BTN3A1: variants seen among roughly 807,000 people sequenced by gnomAD.
BTN3A1 encodes butyrophilin subfamily 3 member A1, also known as dJ45P21.3 (butyrophilin, subfamily 3, member A1).
Under a neutral mutation model 43.0 loss-of-function variants are expected in BTN3A1, and 24 were observed. The observed-to-expected ratio is 0.56, with a 90% CI of 0.40 to 0.78. The LOEUF (loss-of-function observed/expected upper bound fraction) is 0.78, where lower values mean the gene tolerates loss of function less well. Ranked by LOEUF, BTN3A1 falls within the 30% of genes least tolerant of loss-of-function variation. The probability of loss-of-function intolerance (pLI) is 0.00; values close to 1 mark genes in which losing one functional copy is unlikely to be tolerated. For missense variants in BTN3A1, 533 were observed against 626.2 expected (o/e 0.85, Z 1.59); for synonymous variants, 181 against 234.7 (o/e 0.77, Z 2.09).
Position 26,411,594 on chromosome 6 carries a change from CTG to C in BTN3A1, c.1018+19_1018+20del. The C allele has an allele frequency of 1.2e-6, 2 of 1,612,792 alleles. No homozygotes were observed. Among genetic ancestry groups the C allele is most frequent in the Non-Finnish European group, 8.5e-7 (1 of 1,179,196 alleles). On this transcript the variant is annotated intron_variant, in intron 9 of 9. Transcript: ENST00000289361. ...CTCTTCAAGCCTGGTGAGTAAATCA[CTG>C]TGTGTTCCCTGGACCAACAACCTGA...
rs746846979 is a variant in BTN3A1, at chr6:26,405,609, G to A, written c.46G>A (p.Val16Ile). 1.9e-6 allele frequency: 3 copies of A among 1,614,134 alleles called. No individual in the cohort carries two copies. Among genetic ancestry groups the A allele is most frequent in the Non-Finnish European group, 2.5e-6 (3 of 1,180,036 alleles). Residue 16 changes from valine to isoleucine, a missense_variant, in exon 2 of 10, where the codon GTC becomes ATC. Val to Ile is a conservative substitution (Grantham distance 29, BLOSUM62 3). Transcript: ENST00000289361. ...FLAFLLLNFR[V>I]CLLLLQLLMP... ...GGCCTTCCTTCTGCTCAACTTTCGTGTCTGCCTCCTTTTGCTTCAGCTGCT... is the reference window on the plus strand; with the variant it reads ...GGCCTTCCTTCTGCTCAACTTTCGTATCTGCCTCCTTTTGCTTCAGCTGCT...
intron 7 of BTN3A1, among the ~76,000 whole-genome samples, chr6:26,410,805 G>T (rs998147585): frequency 6.7e-6 from 1 of 149,162 alleles, no homozygotes; most frequent in Admixed American, 6.7e-5. Flanking sequence ...ATATATATGT[G>T]CATATAGACA....
At position 26,410,027 on chromosome 6, in the gene BTN3A1, C is replaced by G; in HGVS notation, c.959C>G (p.Ala320Gly). ...EELRWRSIQY[A>G]SRGERHSAYN... ...GCAGGATGGAGAAGTATCCAGTATG[C>G]ATCTCGTAAGTGCCTCTGACATTTT... is the stretch of plus-strand genomic sequence containing the variant. The change falls in exon 7 of 10, where the codon GCA (alanine) becomes GGA (glycine). Residue 320 changes from alanine (A) to glycine (G), a missense_variant. By Grantham distance (60) the Ala-to-Gly change is moderately conservative. Around this residue, in one of 4 missense-constraint regions of BTN3A1, gnomAD observed 415 missense variants for 427.0 expected, o/e 0.97. Transcript: ENST00000289361. 1 of 1,614,080 alleles carries G rather than the reference C, an allele frequency of 6.2e-7. No homozygotes were observed. Among genetic ancestry groups the G allele is most frequent in the East Asian group, 2.2e-5 (1 of 44,878 alleles).
At chr6:26,412,265 C>T (rs1762245935) in intron 9 of BTN3A1, 1 of 579,230 alleles carries the variant, frequency 1.7e-6, no homozygotes, top group Admixed American at 3.3e-5. Flanking sequence ...GTTACTGGAA[C>T]CCAGAATAAG....
At chr6:26,411,180 T>C (rs1443161992) in intron 8 of BTN3A1, 45 bp downstream of exon 8, 8 of 1,593,888 alleles carry the variant, frequency 5.0e-6, no homozygotes, top group Non-Finnish European at 2.6e-6. Context: ...ACACGTGCCA[T>C]GAACATTTCA....
At chr6:26,403,215 G>A (rs967858918) in intron 1 of BTN3A1, among the ~76,000 whole-genome samples, 9 of 152,062 alleles carry the variant, frequency 5.9e-5, no homozygotes, top group Non-Finnish European at 1.2e-4. Context: ...ACAGGTGCAC[G>A]CCACCACACC....
rs1276339158 is a variant in BTN3A1 at position 26,413,505 on chromosome 6, A to G, written c.1355A>G (p.Lys452Arg). The change falls in exon 10 of 10, where the codon AAA becomes AGA. Residue 452 changes from lysine to arginine, a missense_variant. By Grantham distance (26) the Lys-to-Arg change is conservative (BLOSUM62 2). This residue lies in a region of BTN3A1 where 415 missense variants were observed against 427.0 expected (regional missense o/e 0.97). Transcript: ENST00000289361. ...CTAACTGAGCCCAGAACCAACCTGA[A>G]ACTTCCTAAGCCCCCTAAGAAAGTG... is the stretch of plus-strand genomic sequence containing the variant. The part of the protein sequence containing the change: ...RTLTEPRTNL[K>R]LPKPPKKVGV... The G allele has an allele frequency of 6.8e-6, 11 of 1,614,008 alleles. No individual in the cohort carries two copies. The highest frequency in any genetic ancestry group is 9.3e-6 in the Non-Finnish European group (11 of 1,180,036).
At position 26,411,015 on chromosome 6, in the gene BTN3A1, A is replaced by G. The variant is rs539982725; in HGVS notation, c.965-94A>G. On this transcript the variant is annotated intron_variant, in intron 7 of 9. Coordinates refer to ENST00000289361, the MANE Select transcript of BTN3A1 (RefSeq NM_007048.6). ...ATACAGGTGGTAAAAAAAAAAAAAA[A>G]AAAAAAAAGATTAGATGGATGTAAA... is the stretch of plus-strand genomic sequence containing the variant. 9.5e-5 allele frequency: 105 copies of G among 1,100,976 alleles called. 2 individuals carry two copies. Among genetic ancestry groups the G allele is most frequent in the Non-Finnish European group, 1.2e-4 (98 of 804,386 alleles). 68.2% of individuals were successfully genotyped at this position (1,100,976 alleles called of 1,614,324 possible). A position where few individuals can be genotyped will look rare whatever the true frequency, so the allele number is the denominator to read the frequency against.
At chr6:26,409,759 A>C in intron 5 of BTN3A1, 26 bp downstream of exon 5, 1 of 1,577,520 alleles carries the variant, frequency 6.3e-7, no homozygotes, top group Non-Finnish European at 8.6e-7. Flanking sequence ...AGTTTATCTG[A>C]GCCCCTGGCT....
Position 26,411,116 on chromosome 6 carries a change from G to A in BTN3A1, c.972G>A (p.Glu324=), listed in dbSNP as rs771383314. ...WRSIQYASRG[E]RHSAYNEWKK... ...ATCTTTTTTTCATTGTAGGGGGAGAGAGACATTCAGCCTATAATGGTGAGT... is the reference window on the plus strand; with the variant it reads ...ATCTTTTTTTCATTGTAGGGGGAGAAAGACATTCAGCCTATAATGGTGAGT... The change falls in exon 8 of 10, where the codon GAG becomes GAA. Residue 324 remains glutamate, a synonymous_variant. Coordinates refer to ENST00000289361, the MANE Select transcript of BTN3A1 (RefSeq NM_007048.6). 6.2e-7 allele frequency: 1 copy of A among 1,607,164 alleles called. No homozygotes were observed. The highest frequency in any genetic ancestry group is 1.3e-5 in the African/African-American group (1 of 74,362).
intron 1 of BTN3A1, among the ~76,000 whole-genome samples, chr6:26,404,837 T>C (rs1761958248): frequency 6.6e-6 from 1 of 152,256 alleles, no homozygotes; most frequent in Non-Finnish European, 1.5e-5. Context: ...GTCCCATGTC[T>C]GAGACCAAAG....
At chr6:26,409,960 T>A in intron 6 of BTN3A1, 46 bp downstream of exon 6, 1 of 1,614,248 alleles carries the variant, frequency 6.2e-7, no homozygotes, top group Non-Finnish European at 8.5e-7. Flanking sequence ...TTCCTGTCCC[T>A]GCTTTATGCG....
chr6:26,407,973 A>G, intron 4 of BTN3A1, 21 bp downstream of exon 4: 2 of 1,611,686 alleles, frequency 1.2e-6, no homozygotes, highest in Non-Finnish European at 1.7e-6. Flanking sequence ...GCTTGGCCTC[A>G]GGTTTTCTGA....
At chr6:26,404,713 A>G (rs1761954377) in intron 1 of BTN3A1, among the ~76,000 whole-genome samples, 1 of 152,228 alleles carries the variant, frequency 6.6e-6, no homozygotes, top group South Asian at 2.1e-4. Context: ...GTCTGCACCC[A>G]TGCAAGTACT....
chr6:26,402,500 G>A (rs1007808213), intron 1 of BTN3A1, 88 bp downstream of exon 1: 1 of 152,408 alleles, frequency 6.6e-6, no homozygotes, highest in African/African-American at 2.4e-5. Flanking sequence ...GGGCATGCAG[G>A]GAGAGTACTC....
chr6:26,406,415 C>T (rs1762022254), intron 3 of BTN3A1, among the ~76,000 whole-genome samples, 159 bp downstream of exon 3: 1 of 151,304 alleles, frequency 6.6e-6, no homozygotes, highest in Non-Finnish European at 1.5e-5. Flanking sequence ...GAGTAAGACA[C>T]AGGTTTTCCT....
At position 26,406,103 on chromosome 6, in the gene BTN3A1, C is replaced by T. The variant is rs1374083463; in HGVS notation, c.280C>T (p.Arg94Ter). 8.2e-6 allele frequency: 13 copies of T among 1,593,172 alleles called. No individual in the cohort carries two copies. The highest frequency in any genetic ancestry group is 5.1e-5 in the Admixed American group (3 of 58,970). The change falls in exon 3 of 10, where the codon CGA becomes TGA. Residue 94 changes from arginine to a stop codon, truncating the protein, a stop_gained. Coordinates refer to ENST00000289361, the MANE Select transcript of BTN3A1 (RefSeq NM_007048.6). LOFTEE classifies it high-confidence loss of function. ...GGAAGACAGGCAGAGTGCACCGTAT[C>T]GAGGGAGAACTTCGATTCTGCGGGA... ...EVEDRQSAPY[R>*]GRTSILRDGI...
In BTN3A1 at chr6:26,409,897, A is replaced by G. The variant is rs756203103; in HGVS notation, c.920A>G (p.Lys307Arg). The change falls in exon 6 of 10, where the codon AAG (lysine) becomes AGG (arginine). Residue 307 changes from lysine to arginine, a missense_variant. Lys to Arg is a conservative substitution (Grantham distance 26). Transcript: ENST00000289361. ...TMKQEQSTRV[K>R]LLEELRWRSI... Reference sequence around the variant, plus strand: ...ATTATTTCTGCTTATTTTCCAGTGAAGCTCCTGGAGGAACTCAGTAAGTTC... The same window carrying G: ...ATTATTTCTGCTTATTTTCCAGTGAGGCTCCTGGAGGAACTCAGTAAGTTC... 6.2e-7 allele frequency: 1 copy of G among 1,614,160 alleles called. No homozygotes were observed. The highest frequency in any genetic ancestry group is 8.5e-7 in the Non-Finnish European group (1 of 1,180,026).
intron 5 of BTN3A1, 76 bp from the exon 6 acceptor site, chr6:26,409,818 A>T: frequency 6.2e-7 from 1 of 1,612,052 alleles, no homozygotes; most frequent in Non-Finnish European, 8.5e-7. Context: ...CGCAGAGCTC[A>T]GTTGCTTTTA....
Sources: gnomAD v4.1 joint callset for allele counts (sites outside exome capture counted in the v4.1 genomes callset) on GRCh38, gnomAD v4.1.1 for gene constraint, gnomAD v4.1.1 regional missense constraint, MANE v1.5 for transcripts, NCBI Gene and HGNC (gene_info 2026-07-23, HGNC 2026-07-21) for gene names.